The following CMIP variants were observed in gnomAD, a reference collection of about 807,000 sequenced individuals.
The protein encoded by CMIP is C-Maf-inducing protein.
CMIP carries 13 observed loss-of-function variants against 97.3 expected under a neutral mutation model. That is an observed-to-expected ratio of 0.13 (90% CI 0.09 to 0.21). The LOEUF is 0.21. Among genes scored for constraint, CMIP ranks in the 10% least tolerant of loss-of-function variants. CMIP has a pLI of 1.00. For missense variants in CMIP, 847 were observed against 1,024.9 expected (o/e 0.83, Z 2.37); for synonymous variants, 538 against 436.3 (o/e 1.23, Z -2.91).
intron 1 of CMIP, among the ~76,000 whole-genome samples, chr16:81,550,773 C>T (rs558855171): frequency 6.6e-6 from 1 of 152,196 alleles, no homozygotes; most frequent in Admixed American, 6.5e-5. Flanking sequence ...GGTTACAGCA[C>T]ATAGATTCTC....
intron 3 of CMIP, chr16:81,622,094 G>C (rs1426307710): frequency 6.6e-6 from 1 of 152,220 alleles, no homozygotes; most frequent in Non-Finnish European, 1.5e-5. Context: ...GTCTCATCAT[G>C]TCCATTTCAC....
At chr16:81,502,153 G>A (rs1305700329) in intron 1 of CMIP, among the ~76,000 whole-genome samples, 12 of 152,214 alleles carry the variant, frequency 7.9e-5, no homozygotes, top group Admixed American at 7.9e-4. Flanking sequence ...AACGTACCCA[G>A]CTGCTAGGAG....
chr16:81,461,927 C>T (rs529651361), intron 1 of CMIP, among the ~76,000 whole-genome samples: 8 of 152,328 alleles, frequency 5.3e-5, no homozygotes, highest in Admixed American at 3.3e-4. Flanking sequence ...CTAGGCATTG[C>T]GTGTTGCGGT....
chr16:81,645,656 C>G (rs1461161180), intron 3 of CMIP: 4 of 1,523,174 alleles, frequency 2.6e-6, no homozygotes, highest in Non-Finnish European at 1.8e-6. Flanking sequence ...GTGGCTGACT[C>G]TGCCAGACGG....
Position 81,539,325 on chromosome 16 carries a change from G to T in CMIP, c.301-68242G>T, listed in dbSNP as rs183611747. 1.5e-4 allele frequency among the ~76,000 whole-genome samples: 23 copies of T among 152,344 alleles called. No individual in the cohort carries two copies. In the East Asian group the frequency reaches 4.4e-3, roughly 29 times the overall value. ...AGGTTCTAACCAGGCGTCCTTGGGGGTGGAGGATGATGGGCCAGGGCAGCT... is the reference window on the plus strand; with the variant it reads ...AGGTTCTAACCAGGCGTCCTTGGGGTTGGAGGATGATGGGCCAGGGCAGCT... On this transcript the variant is annotated intron_variant, in intron 1 of 20. Coordinates refer to ENST00000537098, the MANE Select transcript of CMIP (RefSeq NM_198390.3).
intron 1 of CMIP, among the ~76,000 whole-genome samples, chr16:81,533,630 C>T (rs959016997): frequency 4.7e-4 from 71 of 152,202 alleles, no homozygotes; most frequent in African/African-American, 1.3e-3. Flanking sequence ...ATGCACGTGC[C>T]GCCATGCCCA....
intron 9 of CMIP, among the ~76,000 whole-genome samples, chr16:81,675,082 C>T (rs116906924): frequency 0.016 from 2,419 of 152,252 alleles, 33 homozygotes; most frequent in Non-Finnish European, 0.025. Context: ...GTGATATTTA[C>T]GTTAATACCT....
chr16:81,672,919 G>A (rs1393079761), intron 9 of CMIP, among the ~76,000 whole-genome samples: 2 of 152,188 alleles, frequency 1.3e-5, no homozygotes, highest in Non-Finnish European at 2.9e-5. Flanking sequence ...TTTCAGTGCT[G>A]GAGAGCGAGC....
At chr16:81,563,502 C>T (rs1349706641) in intron 1 of CMIP, among the ~76,000 whole-genome samples, 1 of 152,182 alleles carries the variant, frequency 6.6e-6, no homozygotes, top group African/African-American at 2.4e-5. Flanking sequence ...GTTAGAGATG[C>T]AGCATCTGGG....
intron 19 of CMIP, 47 bp from the exon 20 acceptor site, chr16:81,706,967 C>T (rs1360332712): frequency 3.8e-6 from 6 of 1,559,906 alleles, no homozygotes; most frequent in Admixed American, 3.4e-5. Flanking sequence ...TACCTTCATA[C>T]CTTTGGGGCC....
rs1015095411 is a variant in CMIP at position 81,711,440 on chromosome 16, C to T, written c.*1641C>T. 6.6e-6 allele frequency: 1 copy of T among 151,242 alleles called. No homozygotes were observed. The highest frequency in any genetic ancestry group is 1.9e-4 in the East Asian group (1 of 5,182). 9.4% of individuals were successfully genotyped at this position (151,242 alleles called of 1,614,324 possible). ...TCATTTTCCGTGCCAGGTTTTATTTCGTGTGTGTGTGAGTGTGTTCTGTTT... is the reference window on the plus strand; with the variant it reads ...TCATTTTCCGTGCCAGGTTTTATTTTGTGTGTGTGTGAGTGTGTTCTGTTT... On this transcript the variant is annotated 3_prime_UTR_variant, in exon 21 of 21. Transcript: ENST00000537098.
intron 5 of CMIP, among the ~76,000 whole-genome samples, chr16:81,659,373 G>T (rs2092520201): frequency 6.6e-6 from 1 of 151,970 alleles, no homozygotes; most frequent in South Asian, 2.2e-4. Flanking sequence ...TAGAGGGGGT[G>T]CAGAGGATAG....
intron 1 of CMIP, among the ~76,000 whole-genome samples, chr16:81,581,103 A>C (rs926700848): frequency 2.6e-5 from 4 of 152,162 alleles, no homozygotes; most frequent in African/African-American, 9.7e-5. Context: ...ATGTGTCAGC[A>C]CTGCCTTCCT....
intron 15 of CMIP, among the ~76,000 whole-genome samples, chr16:81,701,118 C>CAA (rs552497595): frequency 0.012 from 1,636 of 141,270 alleles, 35 homozygotes; most frequent in African/African-American, 0.039. Context: ...GACCTCATCT[C>CAA]AAAAAAAAAA....
At chr16:81,457,310 C>T (rs547768885) in intron 1 of CMIP, among the ~76,000 whole-genome samples, 2 of 152,064 alleles carry the variant, frequency 1.3e-5, no homozygotes, top group African/African-American at 2.4e-5. Context: ...CCACATTTAC[C>T]TCCCCTCTCT....
chr16:81,547,665 G>C (rs370211993), intron 1 of CMIP, among the ~76,000 whole-genome samples: 15 of 152,128 alleles, frequency 9.9e-5, no homozygotes, highest in African/African-American at 3.4e-4. Context: ...AAGCCTGCAG[G>C]GTCCAGATTG....
chr16:81,613,451 C>T (rs1396749659), intron 2 of CMIP, among the ~76,000 whole-genome samples: 1 of 152,138 alleles, frequency 6.6e-6, no homozygotes, highest in Non-Finnish European at 1.5e-5. Context: ...TCTAACTAGC[C>T]ATGGAACCCT....
intron 1 of CMIP, among the ~76,000 whole-genome samples, chr16:81,540,316 T>C (rs1269765020): frequency 1.3e-5 from 2 of 152,198 alleles, no homozygotes; most frequent in African/African-American, 4.8e-5. Flanking sequence ...ATGGGCTTGC[T>C]CACCCTGGCT....
At chr16:81,477,576 T>A (rs1908005005) in intron 1 of CMIP, among the ~76,000 whole-genome samples, 1 of 152,230 alleles carries the variant, frequency 6.6e-6, no homozygotes, top group African/African-American at 2.4e-5. Flanking sequence ...ACTGTCGTCA[T>A]CAGCACTCAG....
Sources: gnomAD v4.1 joint callset for allele counts (sites outside exome capture counted in the v4.1 genomes callset) on GRCh38, gnomAD v4.1.1 for gene constraint, MANE v1.5 for transcripts, NCBI Gene and HGNC (gene_info 2026-07-23, HGNC 2026-07-21) for gene names.